Variants in LRRTM3 observed in about 807,000 individuals in gnomAD.
The protein encoded by LRRTM3 is leucine rich repeat transmembrane neuronal 3.
A neutral mutation model predicts 44.7 loss-of-function variants in LRRTM3; 24 were observed. The observed-to-expected ratio is 0.54, with a 90% CI of 0.39 to 0.76. LRRTM3 has a LOEUF of 0.76. Among genes scored for constraint, LRRTM3 ranks in the 30% least tolerant of loss-of-function variants. The probability of loss-of-function intolerance (pLI) is 0.00; values close to 1 mark genes in which losing one functional copy is unlikely to be tolerated. For missense variants in LRRTM3, 587 were observed against 702.2 expected, an observed-to-expected ratio of 0.84 and a Z score of 1.85; for synonymous variants, 277 against 278.7, an observed-to-expected ratio of 0.99 and a Z score of 0.06.
intron 2 of LRRTM3, among the ~76,000 whole-genome samples, chr10:66,966,983 T>C (rs1265259473): frequency 6.6e-6 from 1 of 152,052 alleles, no homozygotes; most frequent in Admixed American, 6.5e-5. Context: ...CTATCTTACA[T>C]TTGATATATG....
At chr10:67,045,469 C>T (rs115534168) in intron 2 of LRRTM3, among the ~76,000 whole-genome samples, 2,617 of 152,024 alleles carry the variant, frequency 0.017, 71 homozygotes, top group African/African-American at 0.059. Flanking sequence ...CCTTGTGTTG[C>T]GAGGGCTGAC....
At chr10:67,002,815 T>C (rs1851761080) in intron 2 of LRRTM3, among the ~76,000 whole-genome samples, 1 of 152,204 alleles carries the variant, frequency 6.6e-6, no homozygotes, top group Non-Finnish European at 1.5e-5. Flanking sequence ...TTATTTAGCA[T>C]GTATTTGATT....
At chr10:66,949,234 AT>A (rs1848417484) in intron 2 of LRRTM3, among the ~76,000 whole-genome samples, 1 of 152,172 alleles carries the variant, frequency 6.6e-6, no homozygotes, top group Non-Finnish European at 1.5e-5. Context: ...AGTTGTGGAA[AT>A]ATTATGATAA....
chr10:67,082,458 A>C (rs1438157101), intron 2 of LRRTM3, among the ~76,000 whole-genome samples: 2 of 152,082 alleles, frequency 1.3e-5, no homozygotes, highest in African/African-American at 4.8e-5. Flanking sequence ...AAAACCCTAA[A>C]CCCCCAAGCA....
At chr10:67,027,122 A>C in intron 2 of LRRTM3, among the ~76,000 whole-genome samples, 2 of 152,156 alleles carry the variant, frequency 1.3e-5, no homozygotes, top group East Asian at 3.9e-4. Flanking sequence ...GCATCTCTAG[A>C]ATTCTGCTGA....
intron 2 of LRRTM3, among the ~76,000 whole-genome samples, chr10:66,995,018 T>G (rs1198908340): frequency 1.3e-5 from 2 of 152,158 alleles, no homozygotes; most frequent in Admixed American, 6.6e-5. Flanking sequence ...GTTCATGCCT[T>G]CTCATTCCAA....
At chr10:66,997,816 C>T (rs905738213) in intron 2 of LRRTM3, among the ~76,000 whole-genome samples, 2 of 152,122 alleles carry the variant, frequency 1.3e-5, no homozygotes, top group African/African-American at 2.4e-5. Context: ...AGTGGCTCAA[C>T]TATCCACAAA....
At chr10:67,060,926 G>T (rs1011892231) in intron 2 of LRRTM3, among the ~76,000 whole-genome samples, 6 of 152,068 alleles carry the variant, frequency 3.9e-5, no homozygotes, top group Admixed American at 3.9e-4. Flanking sequence ...AGCCTATCTT[G>T]ACTGGTAGAA....
In LRRTM3 at chr10:66,928,446, G is replaced by A; in HGVS notation, c.1530G>A (p.Glu510=). Residue 510 remains glutamate (E), a synonymous_variant, in exon 2 of 3, where the codon GAG becomes GAA. Transcript: ENST00000361320. The part of the protein sequence containing the change: ...PCTYNKSGSR[E]CEIPLSMNVS... ...CCTATAACAAATCGGGCTCCAGGGA[G>A]TGTGAGGTATGAACCATTGTGATAA... 6.2e-7 allele frequency: 1 copy of A among 1,605,692 alleles called. No homozygotes were observed. The highest frequency in any genetic ancestry group is 1.3e-5 in the African/African-American group (1 of 74,460).
intron 2 of LRRTM3, among the ~76,000 whole-genome samples, chr10:66,932,696 A>T (rs1202909733): frequency 1.4e-5 from 1 of 72,140 alleles, no homozygotes; most frequent in African/African-American, 3.2e-5. Flanking sequence ...TTAAAAATGA[A>T]TTAAAGAAAT....
intron 2 of LRRTM3, among the ~76,000 whole-genome samples, chr10:67,038,909 T>C (rs1854230478): frequency 6.6e-6 from 1 of 152,068 alleles, no homozygotes; most frequent in South Asian, 2.1e-4. Context: ...AAATTAACTA[T>C]AAAATCCAGA....
intron 2 of LRRTM3, among the ~76,000 whole-genome samples, chr10:67,026,295 T>C (rs1435966771): frequency 2.6e-5 from 4 of 152,100 alleles, no homozygotes; most frequent in Admixed American, 6.6e-5. Flanking sequence ...AAAATACTTA[T>C]GACCATCTGG....
intron 2 of LRRTM3, among the ~76,000 whole-genome samples, chr10:66,933,009 A>T (rs1847495446): frequency 6.6e-6 from 1 of 152,222 alleles, no homozygotes; most frequent in Non-Finnish European, 1.5e-5. Flanking sequence ...TATGTAACAC[A>T]GATGTGTACT....
chr10:66,961,806 T>C (rs1472098796), intron 2 of LRRTM3, among the ~76,000 whole-genome samples: 1 of 152,166 alleles, frequency 6.6e-6, no homozygotes, highest in African/African-American at 2.4e-5. Flanking sequence ...AAAGTGACTA[T>C]CCTGATCTTC....
At chr10:66,956,278 C>T (rs1320146605) in intron 2 of LRRTM3, among the ~76,000 whole-genome samples, 1 of 151,398 alleles carries the variant, frequency 6.6e-6, no homozygotes, top group Non-Finnish European at 1.5e-5. Flanking sequence ...GCAAATGATT[C>T]TCAAGCTTAG....
chr10:67,071,390 A>G (rs1856450598), intron 2 of LRRTM3, among the ~76,000 whole-genome samples: 1 of 138,754 alleles, frequency 7.2e-6, no homozygotes, highest in Non-Finnish European at 1.5e-5. Context: ...ATATATTTGT[A>G]TTAGTTACAG....
intron 2 of LRRTM3, among the ~76,000 whole-genome samples, chr10:66,949,857 T>C (rs150174606): frequency 2.0e-4 from 30 of 152,310 alleles, no homozygotes; most frequent in African/African-American, 7.2e-4. Flanking sequence ...CAGAGAGGAA[T>C]GGATACTGTA....
intron 2 of LRRTM3, among the ~76,000 whole-genome samples, chr10:67,011,127 A>G (rs968136476): frequency 3.3e-5 from 5 of 152,158 alleles, no homozygotes; most frequent in Admixed American, 3.3e-4. Context: ...CAAGGGGTCA[A>G]GACCATCCTG....
chr10:67,040,444 T>C (rs1206317134), intron 2 of LRRTM3, among the ~76,000 whole-genome samples: 2 of 152,050 alleles, frequency 1.3e-5, no homozygotes, highest in African/African-American at 2.4e-5. Flanking sequence ...AGTATCCAAT[T>C]TGTCATCACA....
Sources: gnomAD v4.1 joint callset for allele counts (sites outside exome capture counted in the v4.1 genomes callset) on GRCh38, gnomAD v4.1.1 for gene constraint, MANE v1.5 for transcripts, NCBI Gene and HGNC (gene_info 2026-07-23, HGNC 2026-07-21) for gene names.